Variants in PTPRN2 observed in about 807,000 individuals in gnomAD.
PTPRN2 encodes the protein protein tyrosine phosphatase receptor type N2.
PTPRN2 carries 74 observed loss-of-function variants against 118.8 expected under a neutral mutation model. The ratio of observed to expected loss-of-function variants is 0.62; its 90% CI spans 0.52 to 0.76. PTPRN2 has a LOEUF of 0.76. Ranked by LOEUF, PTPRN2 falls within the 30% of genes least tolerant of loss-of-function variation. PTPRN2 has a pLI of 0.00. For synonymous variants in PTPRN2, 641 were observed against 608.0 expected (o/e 1.05, Z -0.80); for missense variants, 1,481 against 1,394.4 (o/e 1.06, Z -0.99).
At chr7:158,272,741 C>T (rs937893084) in intron 3 of PTPRN2, among the ~76,000 whole-genome samples, 29 of 152,288 alleles carry the variant, frequency 1.9e-4, no homozygotes, top group Admixed American at 7.2e-4. Context: ...CTGCCAGATC[C>T]CTTTCACCAG....
At chr7:158,355,832 C>T (rs1281750838) in intron 2 of PTPRN2, among the ~76,000 whole-genome samples, 2 of 152,106 alleles carry the variant, frequency 1.3e-5, no homozygotes, top group Admixed American at 6.5e-5. Flanking sequence ...GGTGAGACCT[C>T]GCTCACAGGC....
At chr7:157,815,410 T>G (rs1806333282) in intron 12 of PTPRN2, among the ~76,000 whole-genome samples, 1 of 152,226 alleles carries the variant, frequency 6.6e-6, no homozygotes, top group Non-Finnish European at 1.5e-5. Context: ...TGGTGTGTGG[T>G]GTTTCCTGAC....
At chr7:157,788,477 C>T (rs1804222523) in intron 12 of PTPRN2, among the ~76,000 whole-genome samples, 1 of 152,120 alleles carries the variant, frequency 6.6e-6, no homozygotes, top group Non-Finnish European at 1.5e-5. Context: ...CCAACGTGAC[C>T]AGAACCCATC....
At chr7:157,960,937 G>C (rs11760380) in intron 11 of PTPRN2, among the ~76,000 whole-genome samples, 1 of 152,052 alleles carries the variant, frequency 6.6e-6, no homozygotes, top group Non-Finnish European at 1.5e-5. Context: ...AACACAGGAC[G>C]GGGAGGTTGC....
chr7:157,574,198 G>C (rs1799899675), intron 19 of PTPRN2: 1 of 289,776 alleles, frequency 3.5e-6, no homozygotes, highest in East Asian at 6.8e-5. Context: ...AATTCACTGA[G>C]AAAGAACGAT....
chr7:158,150,990 AG>A (rs1406015671), intron 6 of PTPRN2, among the ~76,000 whole-genome samples: 1 of 151,182 alleles, frequency 6.6e-6, no homozygotes, highest in Non-Finnish European at 1.5e-5. Context: ...TGTTCCTCTC[AG>A]CACCTCATGC....
chr7:158,550,164 G>GA (rs1190220023), intron 1 of PTPRN2, among the ~76,000 whole-genome samples: 58 of 152,328 alleles, frequency 3.8e-4, no homozygotes, highest in African/African-American at 1.3e-3. Flanking sequence ...GGTGGAGATT[G>GA]ACTCCTCGAG....
intron 11 of PTPRN2, among the ~76,000 whole-genome samples, chr7:158,023,560 G>C (rs533364102): frequency 1.1e-4 from 17 of 152,304 alleles, no homozygotes; most frequent in African/African-American, 3.8e-4. Context: ...GAGCCGAGGA[G>C]CGAGTTCCTT....
At chr7:157,928,861 G>A (rs1448613462) in intron 11 of PTPRN2, among the ~76,000 whole-genome samples, 1 of 149,558 alleles carries the variant, frequency 6.7e-6, no homozygotes, top group Admixed American at 6.7e-5. Context: ...GGATAGGATG[G>A]GGGGGTGGGA....
intron 3 of PTPRN2, among the ~76,000 whole-genome samples, chr7:158,261,191 G>A (rs916658901): frequency 9.2e-5 from 14 of 152,090 alleles, no homozygotes; most frequent in Non-Finnish European, 1.5e-5. Context: ...CCCTGCCTAC[G>A]GGCAGCTCAG....
At chr7:158,130,881 A>G (rs1015653714) in intron 9 of PTPRN2, among the ~76,000 whole-genome samples, 1 of 148,288 alleles carries the variant, frequency 6.7e-6, no homozygotes, top group Non-Finnish European at 1.5e-5. Context: ...ACGCATGCAT[A>G]TACGCACAAA....
intron 3 of PTPRN2, among the ~76,000 whole-genome samples, chr7:158,252,988 T>C (rs1796782937): frequency 6.6e-6 from 1 of 152,330 alleles, no homozygotes; most frequent in South Asian, 2.1e-4. Context: ...CCTCCTGTCA[T>C]GCCCACGGCA....
rs147546410 is a variant in PTPRN2, at chr7:157,625,227, T to A, written c.2197-3718A>T. Among the ~76,000 whole-genome samples the A allele has an allele frequency of 2.5e-3, 382 of 152,366 alleles. 1 individual carries two copies. The highest frequency in any genetic ancestry group is 8.6e-3 in the African/African-American group (357 of 41,586). On this transcript the variant is annotated intron_variant, in intron 14 of 22. Transcript: ENST00000389418. ...CCATATGATCCGGCAATCCCACTACTGGGTATTTACCTAGAGGAAAAGATG... is the reference window on the plus strand; with the variant it reads ...CCATATGATCCGGCAATCCCACTACAGGGTATTTACCTAGAGGAAAAGATG...
intron 6 of PTPRN2, among the ~76,000 whole-genome samples, chr7:158,140,969 G>A (rs574307295): frequency 3.7e-4 from 57 of 152,250 alleles, no homozygotes; most frequent in Non-Finnish European, 3.4e-4. Context: ...CTACCTTCCC[G>A]AACGACACCG....
intron 13 of PTPRN2, among the ~76,000 whole-genome samples, chr7:157,662,751 C>T (rs10266807): frequency 6.6e-6 from 1 of 152,040 alleles, no homozygotes; most frequent in African/African-American, 2.4e-5. Flanking sequence ...GCTGCGGGCA[C>T]AGCGCTCTGC....
Position 157,954,665 on chromosome 7 carries a change from T to C in PTPRN2, c.1724-55928A>G, listed in dbSNP as rs139259031. Reference sequence around the variant, plus strand: ...TCTCAGCCGGGGTGATATTAAGGCCTGCAGTACAGCTCCAGACCCCAGAGC... The same window carrying C: ...TCTCAGCCGGGGTGATATTAAGGCCCGCAGTACAGCTCCAGACCCCAGAGC... On this transcript the variant is annotated intron_variant, in intron 11 of 22. Coordinates refer to ENST00000389418, the MANE Select transcript of PTPRN2 (RefSeq NM_002847.5). Among the ~76,000 whole-genome samples, 327 of 152,066 alleles carry C rather than the reference T, an allele frequency of 2.2e-3. 2 individuals are homozygous for C. The highest frequency in any genetic ancestry group is 7.1e-3 in the African/African-American group (296 of 41,400).
intron 1 of PTPRN2, among the ~76,000 whole-genome samples, chr7:158,512,385 C>T (rs561383692): frequency 3.7e-4 from 56 of 152,252 alleles, no homozygotes; most frequent in Non-Finnish European, 6.8e-4. Flanking sequence ...TACAGGTAAG[C>T]AGGAGGCAGC....
At chr7:158,188,936 T>C (rs1014226305) in intron 5 of PTPRN2, among the ~76,000 whole-genome samples, 1 of 151,954 alleles carries the variant, frequency 6.6e-6, no homozygotes, top group African/African-American at 2.4e-5. Context: ...AGCTGCTGAG[T>C]CCAGCAGAAC....
At chr7:157,572,507 A>T (rs1392660986) in intron 19 of PTPRN2, among the ~76,000 whole-genome samples, 1 of 152,236 alleles carries the variant, frequency 6.6e-6, no homozygotes, top group African/African-American at 2.4e-5. Context: ...CTTTGAAGCC[A>T]GGAGGGGCAG....
Sources: allele counts gnomAD v4.1 joint callset (sites outside exome capture counted in the v4.1 genomes callset), GRCh38; gene constraint gnomAD v4.1.1; transcripts MANE v1.5; gene names NCBI Gene and HGNC (gene_info 2026-07-23, HGNC 2026-07-21).